The following GIN1 variants were observed in gnomAD, a reference collection of about 807,000 sequenced individuals.
GIN1 encodes the protein gypsy retrotransposon integrase-like protein 1.
GIN1 carries 41 observed loss-of-function variants against 51.4 expected under a neutral mutation model. The observed-to-expected ratio is 0.80, with a 90% CI of 0.62 to 1.04. The LOEUF (loss-of-function observed/expected upper bound fraction) is 1.04. Among genes scored for constraint, GIN1 ranks in the 50% least tolerant of loss-of-function variants. The pLI is 0.00. For missense variants in GIN1, 610 were observed against 612.4 expected, an observed-to-expected ratio of 1.00 and a Z score of 0.04; for synonymous variants, 222 against 206.5, an observed-to-expected ratio of 1.07 and a Z score of -0.64.
rs782695201 is a variant in GIN1 at position 103,097,430 on chromosome 5, T to C, written c.892A>G (p.Thr298Ala). 1.3e-6 allele frequency: 2 copies of C among 1,580,324 alleles called. No homozygotes were observed. Among genetic ancestry groups the C allele is most frequent in the East Asian group, 4.5e-5 (2 of 44,682 alleles). Residue 298 changes from threonine (T) to alanine (A), a missense_variant, in exon 6 of 8, where the codon ACT becomes GCT. Coordinates refer to ENST00000399004, the MANE Select transcript of GIN1 (RefSeq NM_017676.2). The part of the protein sequence containing the change: ...MFSRNPYMPE[T>A]SDSLHEVDGD... ...TCCACTTCATGAAGACTATCTGAAG[T>C]CTCAGGCATATAAGGATTTCGACTA...
intron 7 of GIN1, among the ~76,000 whole-genome samples, chr5:103,094,729 T>C (rs1461684701): frequency 6.6e-6 from 1 of 152,220 alleles, no homozygotes; most frequent in Non-Finnish European, 1.5e-5. Context: ...GGGAAAATCA[T>C]GCTAAAGAAG....
At chr5:103,088,514 T>C (rs1186102357) in intron 7 of GIN1, among the ~76,000 whole-genome samples, 1 of 152,160 alleles carries the variant, frequency 6.6e-6, no homozygotes, top group Non-Finnish European at 1.5e-5. Context: ...ATAATAAGGC[T>C]GTGCACAGTG....
intron 4 of GIN1, among the ~76,000 whole-genome samples, chr5:103,098,738 C>T (rs1402235439): frequency 6.6e-6 from 1 of 152,192 alleles, no homozygotes; most frequent in Non-Finnish European, 1.5e-5. Flanking sequence ...AGATTACAGG[C>T]ATGAGCCACT....
At chr5:103,096,482 T>C (rs1787396202) in intron 7 of GIN1, 59 bp downstream of exon 7, 7 of 1,226,872 alleles carry the variant, frequency 5.7e-6, no homozygotes, top group Admixed American at 2.2e-5. Flanking sequence ...GTTTCTGTTA[T>C]TTTTAACTAT....
intron 2 of GIN1, among the ~76,000 whole-genome samples, chr5:103,107,703 A>G (rs1184417025): frequency 6.6e-6 from 1 of 152,130 alleles, no homozygotes; most frequent in African/African-American, 2.4e-5. Flanking sequence ...TGACTGGCAC[A>G]CAGCAGAAAC....
At chr5:103,110,467 A>G (rs1461657782) in intron 1 of GIN1, among the ~76,000 whole-genome samples, 2 of 152,190 alleles carry the variant, frequency 1.3e-5, no homozygotes, top group African/African-American at 4.8e-5. Flanking sequence ...AGAATATCCA[A>G]TGGTCAATAA....
At position 103,099,046 on chromosome 5, in the gene GIN1, AT is replaced by A. The variant is rs564570209; in HGVS notation, c.640-1266del. On this transcript the variant is annotated intron_variant, in intron 4 of 7. Transcript: ENST00000399004. ...AGTTGAGTAAACCTTTGGCTCATAAATTTGTCTTTTTAAAAAAGAATATTTC... is the reference window on the plus strand; with the variant it reads ...AGTTGAGTAAACCTTTGGCTCATAAATTGTCTTTTTAAAAAAGAATATTTC... 6.8e-3 allele frequency among the ~76,000 whole-genome samples: 1,028 copies of A among 152,106 alleles called. 7 individuals are homozygous for A. The highest frequency in any genetic ancestry group is 0.013 in the Non-Finnish European group (856 of 67,990).
rs948296224 is a variant in GIN1, at chr5:103,087,164, T to C, written c.*734A>G. ...ATTTTTAAACATTTTTCTGTAGAGA[T>C]AGGGTCTCCCTGTGTTGCCCAGGCT... On this transcript the variant is annotated 3_prime_UTR_variant, in exon 8 of 8. Coordinates refer to ENST00000399004, the MANE Select transcript of GIN1 (RefSeq NM_017676.2). 10 of 152,226 alleles carry C rather than the reference T, an allele frequency of 6.6e-5. No homozygotes were observed. The highest frequency in any genetic ancestry group is 2.1e-4 in the South Asian group (1 of 4,834). 9.4% of individuals were successfully genotyped at this position (152,226 alleles called of 1,614,324 possible).
intron 1 of GIN1, among the ~76,000 whole-genome samples, chr5:103,117,998 A>G (rs1027979290): frequency 2.2e-4 from 33 of 152,154 alleles, no homozygotes; most frequent in African/African-American, 7.5e-4. Context: ...GATTTTTGTA[A>G]TCAATAATTT....
At position 103,104,607 on chromosome 5, in the gene GIN1, A is replaced by G; in HGVS notation, c.573T>C (p.Asn191=). Reference sequence around the variant, plus strand: ...GAGGAGGTCCATATAAGAAAAATATATTGATAATAGCTTTAGAAACTTCTG... The same window carrying G: ...GAGGAGGTCCATATAAGAAAAATATGTTGATAATAGCTTTAGAAACTTCTG... The part of the protein sequence containing the change: ...SASEVSKAII[N]IFFLYGPPQK... The change falls in exon 4 of 8, where the codon AAT becomes AAC. Residue 191 remains asparagine (N), a synonymous_variant. Transcript: ENST00000399004. The G allele has an allele frequency of 1.1e-5, 17 of 1,572,304 alleles. No individual in the cohort carries two copies. The highest frequency in any genetic ancestry group is 1.4e-5 in the Non-Finnish European group (16 of 1,142,360).
Position 103,097,305 on chromosome 5 carries a change from T to G in GIN1, c.1008+9A>C, listed in dbSNP as rs1173947197. The G allele has an allele frequency of 6.6e-7, 1 of 1,516,148 alleles. No homozygotes were observed. Among genetic ancestry groups the G allele is most frequent in the East Asian group, 2.3e-5 (1 of 44,324 alleles). 93.9% of individuals were successfully genotyped at this position (1,516,148 alleles called of 1,614,324 possible). On this transcript the variant is annotated intron_variant, in intron 6 of 7. Coordinates refer to ENST00000399004, the MANE Select transcript of GIN1 (RefSeq NM_017676.2). The stretch of plus-strand genomic sequence containing the variant: ...TTTAGATTACAGTTTTTCTATTGAA[T>G]AGAATCACCTGGCCCAGTGAAGTTG...
At chr5:103,106,456 G>T in intron 3 of GIN1, 1 of 284,414 alleles carries the variant, frequency 3.5e-6, no homozygotes, top group South Asian at 6.8e-5. Flanking sequence ...ACACAAAAAA[G>T]TTCAATGATA....
At chr5:103,116,558 T>C (rs377674701) in intron 1 of GIN1, among the ~76,000 whole-genome samples, 9 of 152,026 alleles carry the variant, frequency 5.9e-5, no homozygotes, top group African/African-American at 2.2e-4. Flanking sequence ...TGAGCTCAGG[T>C]TGGGTAATGG....
intron 4 of GIN1, among the ~76,000 whole-genome samples, chr5:103,103,072 T>C (rs1554195931): frequency 1.3e-5 from 2 of 152,222 alleles, no homozygotes; most frequent in African/African-American, 4.8e-5. Context: ...TTGAAAGGCA[T>C]GCTTACAAGG....
intron 7 of GIN1, among the ~76,000 whole-genome samples, chr5:103,094,380 T>A (rs911593412): frequency 2.2e-4 from 33 of 152,164 alleles, no homozygotes; most frequent in African/African-American, 7.5e-4. Flanking sequence ...CTCATCTAAT[T>A]AGTCTTAAAT....
At chr5:103,099,966 C>A (rs73197900) in intron 4 of GIN1, among the ~76,000 whole-genome samples, 7 of 152,126 alleles carry the variant, frequency 4.6e-5, no homozygotes, top group Non-Finnish European at 7.4e-5. Flanking sequence ...GTACTGTCAT[C>A]GTTATGCTTT....
intron 5 of GIN1, 39 bp downstream of exon 5, chr5:103,097,551 T>A: frequency 6.6e-7 from 1 of 1,509,676 alleles, no homozygotes; most frequent in Non-Finnish European, 9.2e-7. Flanking sequence ...CAAGAAATAG[T>A]CATAACTCAG....
intron 7 of GIN1, among the ~76,000 whole-genome samples, chr5:103,094,152 G>A (rs1035023010): frequency 1.7e-4 from 26 of 152,138 alleles, no homozygotes; most frequent in African/African-American, 6.3e-4. Context: ...TTCAGCTCAA[G>A]GACTCTTTCA....
chr5:103,110,962 C>T (rs1270684272), intron 1 of GIN1, among the ~76,000 whole-genome samples: 2 of 152,044 alleles, frequency 1.3e-5, no homozygotes, highest in South Asian at 2.1e-4. Flanking sequence ...CCCTACTGCC[C>T]TCCAATCTGC....
Sources: gnomAD v4.1 joint callset for allele counts (sites outside exome capture counted in the v4.1 genomes callset) on GRCh38, gnomAD v4.1.1 for gene constraint, MANE v1.5 for transcripts, NCBI Gene and HGNC (gene_info 2026-07-23, HGNC 2026-07-21) for gene names.